Variants in MIB2 observed in about 807,000 individuals in gnomAD.
MIB2 encodes the protein E3 ubiquitin-protein ligase MIB2.
MIB2 carries 78 observed loss-of-function variants against 96.6 expected under a neutral mutation model. The ratio of observed to expected loss-of-function variants is 0.81; its 90% CI spans 0.67 to 0.97. MIB2 has a LOEUF of 0.97. MIB2 is among the 50% of genes least tolerant of loss of function. The probability of loss-of-function intolerance (pLI) is 0.00; values close to 1 mark genes in which losing one functional copy is unlikely to be tolerated. For synonymous variants in MIB2, 820 were observed against 629.5 expected (o/e 1.30, Z -4.53); for missense variants, 1,543 against 1,424.0 (o/e 1.08, Z -1.35).
chr1:1,619,498 A>G (rs1341853322), intron 2 of MIB2, among the ~76,000 whole-genome samples: 9 of 152,244 alleles, frequency 5.9e-5, no homozygotes, highest in Non-Finnish European at 1.0e-4. Flanking sequence ...GCGGGCAGGC[A>G]TGGCTGGAGA....
At chr1:1,627,533 C>T in intron 12 of MIB2, 89 bp downstream of exon 12, 1 of 1,485,878 alleles carries the variant, frequency 6.7e-7, no homozygotes, top group Non-Finnish European at 8.9e-7. Context: ...GGGGCTGAGC[C>T]TGTGCGTCCT....
chr1:1,619,291 C>G (rs1212635299), intron 2 of MIB2: 1 of 152,304 alleles, frequency 6.6e-6, no homozygotes, highest in African/African-American at 2.4e-5. Context: ...AGGAGAATGG[C>G]GTGAACTTGG....
In MIB2 at chr1:1,626,429, A is replaced by C; in HGVS notation, c.973-221A>C. On this transcript the variant is annotated intron_variant, in intron 8 of 19. Coordinates refer to ENST00000355826, the MANE Select transcript of MIB2 (RefSeq NM_001170687.4). This position sits in a 1 kb window ranked among gnomAD's most constrained non-coding sequence, Gnocchi z 5.3. ...AGAGCTGGCTTCTGTCTGCCTGGACACTCCTCCCATGGCTCTGGGGCTAGG... is the reference window on the plus strand; with the variant it reads ...AGAGCTGGCTTCTGTCTGCCTGGACCCTCCTCCCATGGCTCTGGGGCTAGG... 1.9e-6 allele frequency: 1 copy of C among 532,734 alleles called. No homozygotes were observed. Among genetic ancestry groups the C allele is most frequent in the Non-Finnish European group, 3.3e-6 (1 of 304,290 alleles). The allele number at this position is 532,734 out of a possible 1,614,324, so 33.0% of individuals were successfully genotyped here.
intron 2 of MIB2, among the ~76,000 whole-genome samples, chr1:1,622,013 C>T (rs778644720): frequency 6.6e-6 from 1 of 152,246 alleles, no homozygotes; most frequent in Non-Finnish European, 1.5e-5. Flanking sequence ...CCTGAACTGG[C>T]CTGAGATGCA....
At chr1:1,627,576 G>A (rs909740935) in intron 12 of MIB2, 97 bp from the exon 13 acceptor site, 32 of 1,495,050 alleles carry the variant, frequency 2.1e-5, no homozygotes, top group Non-Finnish European at 2.7e-5. Context: ...CGGCGGGGCT[G>A]AGCCTGTGCG....
chr1:1,623,764 C>T lies in MIB2; in HGVS notation c.248-10C>T. 1 of 1,584,316 alleles carries T rather than the reference C, an allele frequency of 6.3e-7. No individual in the cohort carries two copies. Among genetic ancestry groups the T allele is most frequent in the Non-Finnish European group, 8.6e-7 (1 of 1,166,572 alleles). On this transcript the variant is annotated splice_polypyrimidine_tract_variant and intron_variant, in intron 3 of 19. Coordinates refer to ENST00000355826, the MANE Select transcript of MIB2 (RefSeq NM_001170687.4). ...GCGGGAACGCCCCTCTGACCCCACC[C>T]CACCCCCAGGCGTCCGGCACCCCAA... is the stretch of plus-strand genomic sequence containing the variant.
At chr1:1,615,903 G>C in intron 1 of MIB2, 3 of 1,019,352 alleles carry the variant, frequency 2.9e-6, no homozygotes, top group Non-Finnish European at 3.5e-6. Flanking sequence ...GCTGGGGTCG[G>C]CGCTGGGGTC....
Position 1,626,592 on chromosome 1 carries a change from T to C in MIB2, c.973-58T>C, listed in dbSNP as rs953045854. 90 of 1,416,398 alleles carry C rather than the reference T, an allele frequency of 6.4e-5. No individual in the cohort carries two copies. The highest frequency in any genetic ancestry group is 3.8e-6 in the Non-Finnish European group (4 of 1,064,016). The allele number at this position is 1,416,398 out of a possible 1,614,324, so 87.7% of individuals were successfully genotyped here. ...CTCAGCAGGTTGCCCTCCTGTTGCA[T>C]GAGCCTGGGCAGCCACACACAGCTG... is the stretch of plus-strand genomic sequence containing the variant. On this transcript the variant is annotated intron_variant, in intron 8 of 19. Coordinates refer to ENST00000355826, the MANE Select transcript of MIB2 (RefSeq NM_001170687.4). The surrounding 1 kb of genome is among the most constrained non-coding windows in gnomAD (Gnocchi z 5.3).
chr1:1,622,511 G>A (rs529234221), intron 2 of MIB2, among the ~76,000 whole-genome samples: 4 of 152,296 alleles, frequency 2.6e-5, no homozygotes, highest in East Asian at 1.9e-4. Context: ...CCCTGCCTCC[G>A]GCAGCCTGGA....
At chr1:1,615,383 G>A, upstream of MIB2, 1 of 1,438,254 alleles carries the variant, frequency 7.0e-7, no homozygotes, top group Middle Eastern at 2.5e-4. Context: ...GCGCCACGCA[G>A]GGTAGGCGAC....
chr1:1,627,331 A>G lies in MIB2; in HGVS notation c.1410A>G (p.Gln470=), dbSNP rs1247926716. ...AGAACCAAGGCAGGACCGCTCTGCAAGTGGCTGCCTACCTGGGCCAGGTGG... is the reference window on the plus strand; with the variant it reads ...AGAACCAAGGCAGGACCGCTCTGCAGGTGGCTGCCTACCTGGGCCAGGTGG... The part of the protein sequence containing the change: ...DTKNQGRTAL[Q]VAAYLGQVEL... Residue 470 remains glutamine (Q), a synonymous_variant, in exon 12 of 20, where the codon CAA becomes CAG. Coordinates refer to ENST00000355826, the MANE Select transcript of MIB2 (RefSeq NM_001170687.4). 1 of 1,613,150 alleles carries G rather than the reference A, an allele frequency of 6.2e-7. No homozygotes were observed. The highest frequency in any genetic ancestry group is 8.5e-7 in the Non-Finnish European group (1 of 1,179,960).
At chr1:1,629,790 TTCC>T in intron 19 of MIB2, 86 bp downstream of exon 19, 2 of 1,173,444 alleles carry the variant, frequency 1.7e-6, no homozygotes, top group Admixed American at 8.4e-5. Context: ...CCTCCCACAC[TTCC>T]GCCCATGGCC....
chr1:1,622,999 C>T (rs901761071), intron 2 of MIB2: 21 of 270,546 alleles, frequency 7.8e-5, no homozygotes, highest in African/African-American at 3.4e-4. Flanking sequence ...ACGCGTGTCA[C>T]GGTGTCTGCT....
chr1:1,627,229 C>G (rs1245152106), intron 11 of MIB2, 22 bp downstream of exon 11: 18 of 1,611,494 alleles, frequency 1.1e-5, no homozygotes, highest in Middle Eastern at 1.6e-4. Context: ...ACCCCGTCCT[C>G]CCATACTGGC....
Position 1,629,289 on chromosome 1 carries a change from C to G in MIB2, c.2359C>G (p.Gln787Glu), listed in dbSNP as rs979743367. 27 of 1,517,530 alleles carry G rather than the reference C, an allele frequency of 1.8e-5. No individual in the cohort carries two copies. The highest frequency in any genetic ancestry group is 4.5e-5 in the Admixed American group (2 of 44,466). The allele number at this position is 1,517,530 out of a possible 1,614,324, so 94.0% of individuals were successfully genotyped here. The change falls in exon 17 of 20, where the codon CAG becomes GAG. Residue 787 changes from glutamine to glutamate, a missense_variant. Gln to Glu is a conservative substitution (Grantham distance 29). Coordinates refer to ENST00000355826, the MANE Select transcript of MIB2 (RefSeq NM_001170687.4). ...CGAGGGTCGCGTGCTCAAGGCCCTT[C>G]AGGGCTGCGCCCAGCGCTTCCGGTG... The part of the protein sequence containing the change: ...AAEGRVLKAL[Q>E]GCAQRFRERQ...
intron 19 of MIB2, 93 bp downstream of exon 19, chr1:1,629,797 C>T: frequency 4.5e-6 from 6 of 1,323,644 alleles, no homozygotes; most frequent in Non-Finnish European, 6.0e-6. Flanking sequence ...CACTTCCGCC[C>T]ATGGCCCTTC....
Position 1,628,062 on chromosome 1 carries a change from G to T in MIB2, c.1724G>T (p.Gly575Val). The part of the protein sequence containing the change: ...DTPLHSAISA[G>V]TGASGIVEVL... Reference sequence around the variant, plus strand: ...CCCCTGCACTCCGCCATCTCGGCGGGCACTGGAGCCAGCGGCATTGTCGAG... The same window carrying T: ...CCCCTGCACTCCGCCATCTCGGCGGTCACTGGAGCCAGCGGCATTGTCGAG... Residue 575 changes from glycine to valine, a missense_variant, in exon 14 of 20, where the codon GGC (glycine) becomes GTC (valine). Coordinates refer to ENST00000355826, the MANE Select transcript of MIB2 (RefSeq NM_001170687.4). 6.2e-7 allele frequency: 1 copy of T among 1,613,188 alleles called. No individual in the cohort carries two copies. The highest frequency in any genetic ancestry group is 8.5e-7 in the Non-Finnish European group (1 of 1,179,986).
Position 1,616,496 on chromosome 1 carries a change from C to T in MIB2, c.-129-12C>T. The T allele has an allele frequency of 6.4e-7, 1 of 1,559,824 alleles. No homozygotes were observed. Among genetic ancestry groups the T allele is most frequent in the African/African-American group, 1.4e-5 (1 of 72,188 alleles). ...GCTAACTGTGCATCTTGGCATCTCC[C>T]CTCGGCCACAGGGTTGGAAGCCCAG... On this transcript the variant is annotated splice_polypyrimidine_tract_variant and intron_variant, in intron 1 of 19. Coordinates refer to ENST00000355826, the MANE Select transcript of MIB2 (RefSeq NM_001170687.4).
rs766782632 is a variant in MIB2 at position 1,623,824 on chromosome 1, C to T, written c.298C>T (p.Arg100Trp). 26 of 1,609,786 alleles carry T rather than the reference C, an allele frequency of 1.6e-5. No homozygotes were observed. In the African/African-American group the frequency reaches 1.7e-4, roughly 11 times the overall value. The change falls in exon 4 of 20, where the codon CGG becomes TGG. Residue 100 changes from arginine (R) to tryptophan (W), a missense_variant. Arg to Trp is a moderately radical substitution (Grantham distance 101). Coordinates refer to ENST00000355826, the MANE Select transcript of MIB2 (RefSeq NM_001170687.4). Reference sequence around the variant, plus strand: ...TGACTGCTGCAAGAAGCACGGGCTGCGGGGGATGCGCTGGAAGTGCCGTGT... The same window carrying T: ...TGACTGCTGCAAGAAGCACGGGCTGTGGGGGATGCGCTGGAAGTGCCGTGT... Reference protein sequence around the residue: ...ICDCCKKHGLRGMRWKCRVCL... With the variant: ...ICDCCKKHGLWGMRWKCRVCL...
Sources: allele counts gnomAD v4.1 joint callset (sites outside exome capture counted in the v4.1 genomes callset), GRCh38; gene constraint gnomAD v4.1.1; non-coding constraint Gnocchi (gnomAD v3.1); transcripts MANE v1.5; gene names NCBI Gene and HGNC (gene_info 2026-07-23, HGNC 2026-07-21).